PIK3R6: variants seen among roughly 807,000 people sequenced by gnomAD.
PIK3R6 encodes phosphoinositide-3-kinase regulatory subunit 6, also known as phosphoinositide 3-kinase regulatory subunit 6.
A neutral mutation model predicts 84.9 loss-of-function variants in PIK3R6; 91 were observed. The ratio of observed to expected loss-of-function variants is 1.07; its 90% CI spans 0.90 to 1.28. PIK3R6 has a LOEUF of 1.28. Ranked by LOEUF, PIK3R6 falls within the 50% of genes most tolerant of loss-of-function variation. The pLI, the probability that PIK3R6 is intolerant of heterozygous loss-of-function variation, is 0.00. For missense variants in PIK3R6, 996 were observed against 985.1 expected (o/e 1.01, Z -0.15); for synonymous variants, 416 against 411.4 (o/e 1.01, Z -0.13).
chr17:8,820,339 T>C (rs1028329243), intron 17 of PIK3R6, among the ~76,000 whole-genome samples: 1 of 151,606 alleles, frequency 6.6e-6, no homozygotes, highest in African/African-American at 2.4e-5. Flanking sequence ...GGAAGGAATA[T>C]AGTTTGAACA....
Position 8,803,552 on chromosome 17 carries a change from G to A in PIK3R6, c.2109-123C>T. 1.0e-6 allele frequency: 1 copy of A among 988,188 alleles called. No individual in the cohort carries two copies. The highest frequency in any genetic ancestry group is 2.7e-5 in the East Asian group (1 of 36,618). The allele number at this position is 988,188 out of a possible 1,614,324, so 61.2% of individuals were successfully genotyped here. A position where few individuals can be genotyped will look rare whatever the true frequency, so the allele number is the denominator to read the frequency against. ...GTTATTGTAGGGCATAGAGGAGGCG[G>A]CTACACAGAAGAAAGAGGAAGAGTC... On this transcript the variant is annotated intron_variant, in intron 19 of 19. Transcript: ENST00000619866. This position sits in a 1 kb window ranked among gnomAD's most constrained non-coding sequence, Gnocchi z 5.0.
chr17:8,863,460 G>T (rs746730788), intron 1 of PIK3R6, among the ~76,000 whole-genome samples: 1 of 151,896 alleles, frequency 6.6e-6, no homozygotes, highest in Non-Finnish European at 1.5e-5. Flanking sequence ...CTCAGAAACC[G>T]TATTCCTCCC....
chr17:8,854,853 T>C (rs954546737), intron 1 of PIK3R6, among the ~76,000 whole-genome samples: 1 of 152,206 alleles, frequency 6.6e-6, no homozygotes, highest in Non-Finnish European at 1.5e-5. Flanking sequence ...CAAATTAGAC[T>C]TCATCAAAAT....
At chr17:8,816,802 A>G (rs545957544) in intron 18 of PIK3R6, among the ~76,000 whole-genome samples, 20 of 152,348 alleles carry the variant, frequency 1.3e-4, no homozygotes, top group Non-Finnish European at 2.8e-4. Context: ...GCACTCAAAC[A>G]CTACAATCAG....
intron 18 of PIK3R6, among the ~76,000 whole-genome samples, chr17:8,806,443 T>C (rs540821625): frequency 6.6e-6 from 1 of 152,346 alleles, no homozygotes; most frequent in African/African-American, 2.4e-5. Context: ...TCCTCCCACC[T>C]GCCTGCGGTG....
Position 8,828,096 on chromosome 17 carries a change from C to T in PIK3R6, c.1392+16G>A, listed in dbSNP as rs765145493. On this transcript the variant is annotated intron_variant, in intron 12 of 19. Coordinates refer to ENST00000619866, the MANE Select transcript of PIK3R6 (RefSeq NM_001010855.4). ...CCTGTCTCTGCCCCGCCACCGCCTCCCCGCGGTCCAGTCACCTCAGGCGCC... is the reference window on the plus strand; with the variant it reads ...CCTGTCTCTGCCCCGCCACCGCCTCTCCGCGGTCCAGTCACCTCAGGCGCC... The T allele has an allele frequency of 3.7e-6, 6 of 1,612,948 alleles. No homozygotes were observed. The highest frequency in any genetic ancestry group is 5.1e-6 in the Non-Finnish European group (6 of 1,179,266).
At chr17:8,853,484 C>CAAAA (rs56939877) in intron 1 of PIK3R6, among the ~76,000 whole-genome samples, 6 of 104,440 alleles carry the variant, frequency 5.7e-5, no homozygotes, top group African/African-American at 1.7e-4. Context: ...GACTCCATCT[C>CAAAA]AAAAAAAAAA....
chr17:8,819,687 TATACACACAC>T (rs1567573530), intron 17 of PIK3R6, among the ~76,000 whole-genome samples: 2 of 140,860 alleles, frequency 1.4e-5, no homozygotes, highest in African/African-American at 5.4e-5. Flanking sequence ...TATATATATA[TATACACACAC>T]ACACACACAC....
chr17:8,865,973 T>A (rs923159451), intron 1 of PIK3R6, among the ~76,000 whole-genome samples: 1 of 152,176 alleles, frequency 6.6e-6, no homozygotes, highest in African/African-American at 2.4e-5. Context: ...TGGCGATGAC[T>A]GCAGCTTGGC....
intron 11 of PIK3R6, 111 bp from the exon 12 acceptor site, chr17:8,828,301 G>T: frequency 8.5e-7 from 1 of 1,177,346 alleles, no homozygotes; most frequent in East Asian, 2.4e-5. Context: ...TCATCTTTCT[G>T]AGCCTCTGCT....
At chr17:8,827,089 T>C in intron 13 of PIK3R6, 83 bp downstream of exon 13, 2 of 1,492,840 alleles carry the variant, frequency 1.3e-6, no homozygotes, top group Non-Finnish European at 9.0e-7. Context: ...CCTCGCTGCC[T>C]ACTTGGGCTC....
rs374488275 is a variant in PIK3R6 at position 8,829,668 on chromosome 17, A to G, written c.889+38T>C. 3.3e-6 allele frequency: 5 copies of G among 1,529,778 alleles called. No homozygotes were observed. The African/African-American group carries it at 5.5e-5, about 17-fold the overall frequency. The allele number at this position is 1,529,778 out of a possible 1,614,324, so 94.8% of individuals were successfully genotyped here. A position where few individuals can be genotyped will look rare whatever the true frequency, so the allele number is the denominator to read the frequency against. On this transcript the variant is annotated intron_variant, in intron 10 of 19. Transcript: ENST00000619866. ...CACGCATACACACACAGACACAGAC[A>G]TATACCACTGTTTCCAGACAGCTCC...
Position 8,840,242 on chromosome 17 carries a change from A to G in PIK3R6, c.14-545T>C, listed in dbSNP as rs867742717. On this transcript the variant is annotated intron_variant, in intron 2 of 19. Transcript: ENST00000619866. ...TGAAATATATACAGCCTACAAATAT[A>G]TATATGAAATATATACAGCCTACAA... Among the ~76,000 whole-genome samples the G allele has an allele frequency of 1.3e-3, 190 of 145,850 alleles. 3 individuals are homozygous for G. The Middle Eastern group carries it at 0.013, about 10-fold the overall frequency.
chr17:8,855,198 C>CAAAAT (rs1291861921), intron 1 of PIK3R6, among the ~76,000 whole-genome samples: 23 of 135,774 alleles, frequency 1.7e-4, no homozygotes, highest in African/African-American at 7.1e-4. Context: ...ATCTCAGAAA[C>CAAAAT]AAAACAAAAC....
At chr17:8,858,692 G>T (rs2089202811) in intron 1 of PIK3R6, among the ~76,000 whole-genome samples, 1 of 152,156 alleles carries the variant, frequency 6.6e-6, no homozygotes, top group African/African-American at 2.4e-5. Flanking sequence ...GGAGCTATCA[G>T]TAGGCGAGGG....
chr17:8,837,924 C>T, intron 4 of PIK3R6, 53 bp from the exon 5 acceptor site: 1 of 1,514,170 alleles, frequency 6.6e-7, no homozygotes, highest in Non-Finnish European at 9.2e-7. Flanking sequence ...ATCCCCACTT[C>T]ATAGCGGGAG....
In PIK3R6 at chr17:8,829,295, TACACACACACTG is replaced by T. The variant is rs1204949266; in HGVS notation, c.890-317_890-306del. On this transcript the variant is annotated intron_variant, in intron 10 of 19. Transcript: ENST00000619866. ...CACTGACACACACACGCATCATGCA[TACACACACACTG>T]ACACACGCATGCACGCATACACCCA... Among the ~76,000 whole-genome samples the T allele has an allele frequency of 1.9e-3, 187 of 96,666 alleles. 2 individuals carry two copies. Among genetic ancestry groups the T allele is most frequent in the African/African-American group, 7.4e-3 (164 of 22,112 alleles). 63.4% of individuals were successfully genotyped at this position (96,666 alleles called of 152,430 possible).
intron 9 of PIK3R6, among the ~76,000 whole-genome samples, chr17:8,832,549 A>T (rs867142282): frequency 7.5e-6 from 1 of 133,602 alleles, no homozygotes; most frequent in Non-Finnish European, 1.6e-5. Flanking sequence ...CGCCCAGCTG[A>T]TTTTTTTTTT....
chr17:8,829,577 G>C (rs1341426949), intron 10 of PIK3R6, 129 bp downstream of exon 10: 31 of 916,572 alleles, frequency 3.4e-5, no homozygotes, highest in East Asian at 3.0e-5. Flanking sequence ...TACACACACA[G>C]ACACACTGAC....
Sources: allele counts gnomAD v4.1 joint callset (sites outside exome capture counted in the v4.1 genomes callset), GRCh38; gene constraint gnomAD v4.1.1; non-coding constraint Gnocchi (gnomAD v3.1); transcripts MANE v1.5; gene names NCBI Gene and HGNC (gene_info 2026-07-23, HGNC 2026-07-21).